The following PCMT1 variants were observed in gnomAD, a reference collection of about 807,000 sequenced individuals.
PCMT1 encodes the protein protein-L-isoaspartate (D-aspartate) O-methyltransferase, also known as protein-L-isoaspartate(D-aspartate) O-methyltransferase.
A neutral mutation model predicts 29.2 loss-of-function variants in PCMT1; 9 were observed. That is an observed-to-expected ratio of 0.31 (90% CI 0.19 to 0.54). The LOEUF (loss-of-function observed/expected upper bound fraction) is 0.54, where lower values mean the gene tolerates loss of function less well. Among genes scored for constraint, PCMT1 ranks in the 20% least tolerant of loss-of-function variants. The pLI is 0.95. For synonymous variants in PCMT1, 98 were observed against 97.5 expected (o/e 1.00, Z -0.03); for missense variants, 184 against 282.2 (o/e 0.65, Z 2.49).
chr6:149,803,387 C>T (rs771145276), intron 7 of PCMT1, among the ~76,000 whole-genome samples: 3 of 152,136 alleles, frequency 2.0e-5, no homozygotes, highest in Non-Finnish European at 4.4e-5. Context: ...GTGCCCAGGT[C>T]TCACAAACCC....
At chr6:149,787,748 A>G (rs771560570) in intron 3 of PCMT1, among the ~76,000 whole-genome samples, 24 of 152,236 alleles carry the variant, frequency 1.6e-4, no homozygotes, top group Middle Eastern at 3.4e-3. Flanking sequence ...TTGTCCACAC[A>G]GTCTTACCAT....
intron 1 of PCMT1, among the ~76,000 whole-genome samples, chr6:149,770,396 C>T (rs1252344365): frequency 6.6e-6 from 1 of 152,108 alleles, no homozygotes; most frequent in African/African-American, 2.4e-5. Flanking sequence ...TTCTAGTTTT[C>T]TGTGTCCTTG....
chr6:149,809,129 CCT>C (rs1406894091), intron 7 of PCMT1, among the ~76,000 whole-genome samples: 6 of 149,514 alleles, frequency 4.0e-5, no homozygotes, highest in Non-Finnish European at 8.9e-5. Context: ...TATGGTGGTG[CCT>C]GCCTGTAATC....
chr6:149,752,016 A>G (rs1043397977), intron 1 of PCMT1, among the ~76,000 whole-genome samples: 2 of 146,854 alleles, frequency 1.4e-5, no homozygotes, highest in African/African-American at 5.0e-5. Flanking sequence ...TGGTGCCACC[A>G]TACCAGGCTA....
chr6:149,776,490 C>T (rs1787573623), intron 3 of PCMT1, among the ~76,000 whole-genome samples: 1 of 151,912 alleles, frequency 6.6e-6, no homozygotes, highest in South Asian at 2.1e-4. Context: ...ACCTCCTGAC[C>T]TCAAGTGATC....
intron 3 of PCMT1, among the ~76,000 whole-genome samples, chr6:149,775,768 A>G (rs1286888420): frequency 2.6e-5 from 4 of 152,200 alleles, no homozygotes; most frequent in African/African-American, 9.6e-5. Flanking sequence ...GAAAATTTCA[A>G]TATGTAGACA....
intron 1 of PCMT1, among the ~76,000 whole-genome samples, chr6:149,769,407 G>C (rs972703321): frequency 1.4e-5 from 2 of 141,362 alleles, no homozygotes; most frequent in African/African-American, 5.4e-5. Flanking sequence ...CTCAGCCTCC[G>C]GGTTCAAGCA....
chr6:149,751,189 T>A (rs1346525042), intron 1 of PCMT1, among the ~76,000 whole-genome samples: 5 of 152,064 alleles, frequency 3.3e-5, no homozygotes, highest in African/African-American at 1.2e-4. Flanking sequence ...TGGTGGTGCC[T>A]GCCTGTAATC....
chr6:149,801,832 T>C (rs1042702482), intron 6 of PCMT1, among the ~76,000 whole-genome samples: 2 of 152,166 alleles, frequency 1.3e-5, no homozygotes, highest in African/African-American at 4.8e-5. Flanking sequence ...CAAATGACTA[T>C]TAATATAAAA....
At chr6:149,759,324 C>T (rs564918560) in intron 1 of PCMT1, among the ~76,000 whole-genome samples, 9 of 152,202 alleles carry the variant, frequency 5.9e-5, no homozygotes, top group Admixed American at 1.3e-4. Flanking sequence ...TATTGTTTTT[C>T]CAGACATGTT....
intron 1 of PCMT1, among the ~76,000 whole-genome samples, chr6:149,766,700 G>A (rs375517933): frequency 8.3e-4 from 126 of 152,280 alleles, no homozygotes; most frequent in Non-Finnish European, 1.6e-3. Context: ...TTTACTATTT[G>A]GACCTTTACA....
At chr6:149,773,532 C>T (rs1035977996) in intron 3 of PCMT1, among the ~76,000 whole-genome samples, 5 of 152,174 alleles carry the variant, frequency 3.3e-5, no homozygotes, top group Non-Finnish European at 4.4e-5. Flanking sequence ...GTGCCCACCA[C>T]GATGCCCGGC....
chr6:149,788,022 A>G lies in PCMT1; in HGVS notation c.193-1932A>G, dbSNP rs193176709. On this transcript the variant is annotated intron_variant, in intron 3 of 7. Transcript: ENST00000464889. ...AAGCTCCGCCTCTCGGGTTCACGCC[A>G]TTGTCCTGCCTCAGCCTCCCAAGTA... is the stretch of plus-strand genomic sequence containing the variant. Among the ~76,000 whole-genome samples, 527 of 152,140 alleles carry G rather than the reference A, an allele frequency of 3.5e-3. 3 individuals carry two copies. Among genetic ancestry groups the G allele is most frequent in the African/African-American group, 0.012 (500 of 41,500 alleles).
Position 149,749,799 on chromosome 6 carries a change from C to G in PCMT1, c.-103C>G, listed in dbSNP as rs1399825644. On this transcript the variant is annotated 5_prime_UTR_variant, in exon 1 of 8. Coordinates refer to ENST00000464889, the MANE Select transcript of PCMT1 (RefSeq NM_001360452.2). The stretch of plus-strand genomic sequence containing the variant: ...GCGGCAGCTACAGCGGGGACGCGAG[C>G]GGGGCGGTGACGGTGTGGGAGGTGG... 1 of 1,552,002 alleles carries G rather than the reference C, an allele frequency of 6.4e-7. No homozygotes were observed. The highest frequency in any genetic ancestry group is 8.7e-7 in the Non-Finnish European group (1 of 1,147,152).
At chr6:149,800,557 C>T (rs12176034) in intron 6 of PCMT1, among the ~76,000 whole-genome samples, 50,958 of 151,950 alleles carry the variant, frequency 0.34, 10,212 homozygotes, top group East Asian at 0.81. Flanking sequence ...AATAGTGATG[C>T]GTAAAGCTAT....
intron 7 of PCMT1, among the ~76,000 whole-genome samples, chr6:149,806,973 C>G (rs1392501231): frequency 2.0e-5 from 3 of 152,300 alleles, no homozygotes; most frequent in Non-Finnish European, 2.9e-5. Flanking sequence ...ACCTTTCTTA[C>G]TGAGGAATAA....
intron 7 of PCMT1, among the ~76,000 whole-genome samples, chr6:149,809,258 CAAAAA>C (rs1209712068): frequency 1.3e-4 from 6 of 47,090 alleles, no homozygotes; most frequent in Admixed American, 3.3e-4. Context: ...GACTCTGTCT[CAAAAA>C]AAAAAAAAAA....
chr6:149,786,675 C>T (rs568587773), intron 3 of PCMT1, among the ~76,000 whole-genome samples: 3 of 149,158 alleles, frequency 2.0e-5, no homozygotes, highest in South Asian at 2.1e-4. Flanking sequence ...ACCTCCCAGA[C>T]GGGGTCGCGG....
intron 3 of PCMT1, among the ~76,000 whole-genome samples, chr6:149,778,477 C>A (rs1239963256): frequency 4.6e-5 from 7 of 151,260 alleles, no homozygotes; most frequent in Non-Finnish European, 2.9e-5. Context: ...GATCCACCCT[C>A]CTTGGCCTCC....
Sources: gnomAD v4.1 joint callset for allele counts (sites outside exome capture counted in the v4.1 genomes callset) on GRCh38, gnomAD v4.1.1 for gene constraint, MANE v1.5 for transcripts, NCBI Gene and HGNC (gene_info 2026-07-23, HGNC 2026-07-21) for gene names.